Variants in LMO1 observed in about 807,000 individuals in gnomAD.
The protein encoded by LMO1 is rhombotin-1.
In LMO1, 10 loss-of-function variants were observed where a neutral mutation model predicts 18.0. The ratio of observed to expected loss-of-function variants is 0.55; its 90% CI spans 0.34 to 0.94. LMO1 has a LOEUF of 0.94. Ranked by LOEUF, LMO1 falls within the 40% of genes least tolerant of loss-of-function variation. The probability of loss-of-function intolerance (pLI) is 0.02; values close to 1 mark genes in which losing one functional copy is unlikely to be tolerated. For synonymous variants in LMO1, 77 were observed against 77.9 expected (o/e 0.99, Z 0.06); for missense variants, 183 against 205.7 (o/e 0.89, Z 0.68).
intron 1 of LMO1, among the ~76,000 whole-genome samples, chr11:8,244,888 C>G (rs1384621534): frequency 2.0e-5 from 3 of 152,204 alleles, no homozygotes; most frequent in Admixed American, 6.5e-5. Flanking sequence ...CCAGCCCAAG[C>G]AAGGTCTCCT....
At chr11:8,263,189 G>T in intron 1 of LMO1, 149 bp downstream of exon 1, 2 of 619,890 alleles carry the variant, frequency 3.2e-6, no homozygotes, top group Non-Finnish European at 4.7e-6. Context: ...ACTTCCCCCC[G>T]CCCCAGCCCC....
intron 1 of LMO1, among the ~76,000 whole-genome samples, chr11:8,260,798 G>A (rs551899890): frequency 6.5e-4 from 99 of 152,238 alleles, no homozygotes; most frequent in African/African-American, 2.0e-3. Flanking sequence ...GAGAAAAGGC[G>A]TTGGGGGTGG....
At chr11:8,266,779 G>T (rs1014586269), upstream of LMO1, among the ~76,000 whole-genome samples, 10 of 152,212 alleles carry the variant, frequency 6.6e-5, no homozygotes, top group Non-Finnish European at 1.0e-4. Flanking sequence ...GTCTTTGGTG[G>T]AGACTGTCAG....
At chr11:8,257,099 T>C (rs78233147) in intron 1 of LMO1, among the ~76,000 whole-genome samples, 5,446 of 152,276 alleles carry the variant, frequency 0.036, 154 homozygotes, top group African/African-American at 0.073. Flanking sequence ...AATACTCCCA[T>C]TGTGGCTGAC....
chr11:8,240,079 T>C (rs1039607134), intron 1 of LMO1, among the ~76,000 whole-genome samples: 5 of 150,872 alleles, frequency 3.3e-5, no homozygotes, highest in African/African-American at 9.7e-5. Flanking sequence ...AGAGGCAGCA[T>C]CACGTCATCT....
intron 1 of LMO1, 31 bp downstream of exon 1, chr11:8,263,307 A>G (rs767042319): frequency 3.1e-6 from 5 of 1,591,748 alleles, no homozygotes; most frequent in Middle Eastern, 1.7e-4. Flanking sequence ...CGAGGGGGTG[A>G]GGGGCGTCGA....
intron 1 of LMO1, among the ~76,000 whole-genome samples, chr11:8,249,482 A>G (rs757760059): frequency 3.3e-5 from 5 of 152,226 alleles, no homozygotes; most frequent in Non-Finnish European, 7.3e-5. Flanking sequence ...AAAGCCATTC[A>G]AAGGTGTCTC....
At chr11:8,262,671 T>A (rs1385628231) in intron 1 of LMO1, among the ~76,000 whole-genome samples, 1 of 152,150 alleles carries the variant, frequency 6.6e-6, no homozygotes, top group African/African-American at 2.4e-5. Flanking sequence ...GGCGGGACAC[T>A]TTCTTCCTCT....
At chr11:8,236,967 T>G (rs1050874900) in intron 1 of LMO1, among the ~76,000 whole-genome samples, 1 of 152,070 alleles carries the variant, frequency 6.6e-6, no homozygotes, top group African/African-American at 2.4e-5. Flanking sequence ...AAGACTACAG[T>G]GTCAAAAAGT....
chr11:8,226,747 T>C, intron 3 of LMO1: 1 of 669,088 alleles, frequency 1.5e-6, no homozygotes, highest in Non-Finnish European at 2.3e-6. Flanking sequence ...CACAGAAATG[T>C]GCCACACAGA....
intron 1 of LMO1, among the ~76,000 whole-genome samples, chr11:8,233,930 C>T (rs527291019): frequency 6.6e-6 from 1 of 152,208 alleles, no homozygotes; most frequent in African/African-American, 2.4e-5. Flanking sequence ...GCTTTGCGCT[C>T]CTTCAGGAAA....
intron 1 of LMO1, 93 bp downstream of exon 1, chr11:8,263,245 A>T: frequency 7.7e-7 from 1 of 1,300,958 alleles, no homozygotes; most frequent in Admixed American, 2.0e-5. Context: ...ACAGCCCAGC[A>T]GGTGTGCGCC....
intron 3 of LMO1, among the ~76,000 whole-genome samples, chr11:8,226,159 G>A (rs985390595): frequency 2.6e-5 from 4 of 152,090 alleles, no homozygotes; most frequent in African/African-American, 9.7e-5. Flanking sequence ...CACTGGGTAC[G>A]GGGGTGGGAG....
chr11:8,228,206 T>C (rs1479885999), intron 2 of LMO1, among the ~76,000 whole-genome samples: 1 of 152,240 alleles, frequency 6.6e-6, no homozygotes. Flanking sequence ...TGTAAAGCTC[T>C]AGGGACAGGG....
In LMO1 at chr11:8,263,804, C is replaced by T. The variant is rs1847230756; in HGVS notation, c.-442G>A. 3.7e-6 allele frequency: 4 copies of T among 1,066,684 alleles called. No homozygotes were observed. The highest frequency in any genetic ancestry group is 4.5e-6 in the Non-Finnish European group (4 of 880,954). 66.1% of individuals were successfully genotyped at this position (1,066,684 alleles called of 1,614,324 possible). ...TTTTCCCCTCGGATTTAATCTGAAT[C>T]TCAATCTAAAATTATATTCAAAGAG... On this transcript the variant is annotated 5_prime_UTR_variant, in exon 1 of 4. Coordinates refer to ENST00000335790, the MANE Select transcript of LMO1 (RefSeq NM_002315.3).
chr11:8,242,563 C>T (rs1846813703), intron 1 of LMO1, among the ~76,000 whole-genome samples: 2 of 152,318 alleles, frequency 1.3e-5, no homozygotes, highest in South Asian at 4.1e-4. Context: ...ACCCCCATCC[C>T]ATCCTGGGCT....
At chr11:8,243,014 G>T (rs547035312) in intron 1 of LMO1, among the ~76,000 whole-genome samples, 6 of 152,200 alleles carry the variant, frequency 3.9e-5, no homozygotes, top group African/African-American at 1.4e-4. Context: ...TCTTGAAGCC[G>T]CCAGAGCCCA....
At chr11:8,257,689 G>A (rs566616121) in intron 1 of LMO1, among the ~76,000 whole-genome samples, 13 of 152,222 alleles carry the variant, frequency 8.5e-5, no homozygotes, top group Non-Finnish European at 1.5e-4. Flanking sequence ...GGAGGAACTT[G>A]CAAAGAGTGG....
chr11:8,228,352 T>TG (rs1240033515), intron 2 of LMO1, among the ~76,000 whole-genome samples: 1 of 152,168 alleles, frequency 6.6e-6, no homozygotes, highest in Non-Finnish European at 1.5e-5. Flanking sequence ...GAGAAGAGGG[T>TG]GGGGGGCCCC....
Sources: gnomAD v4.1 joint callset for allele counts (sites outside exome capture counted in the v4.1 genomes callset) on GRCh38, gnomAD v4.1.1 for gene constraint, MANE v1.5 for transcripts, NCBI Gene and HGNC (gene_info 2026-07-23, HGNC 2026-07-21) for gene names.